Variants in ARL2BP observed in about 807,000 individuals in gnomAD.
ARL2BP encodes the protein ADP-ribosylation factor-like protein 2-binding protein.
A neutral mutation model predicts 24.2 loss-of-function variants in ARL2BP; 19 were observed. That is an observed-to-expected ratio of 0.79 (90% CI 0.55 to 1.15). The LOEUF is 1.15. Ranked by LOEUF, ARL2BP falls within the 50% of genes most tolerant of loss-of-function variation. The pLI is 0.00. For missense variants in ARL2BP, 160 were observed against 190.4 expected (o/e 0.84, Z 0.94); for synonymous variants, 56 against 70.5 (o/e 0.79, Z 1.03).
chr16:57,245,319 A>T lies in ARL2BP; in HGVS notation c.-49A>T. On this transcript the variant is annotated 5_prime_UTR_variant, in exon 1 of 6. It removes an upstream start codon present in the reference 5' UTR. Transcript: ENST00000219204. ...ACCCCGCCGGGCGGCCGCGCCCTGC[A>T]TGCGAGTTGGGCCGCGGGCGGGGTT... 1 of 1,588,394 alleles carries T rather than the reference A, an allele frequency of 6.3e-7. No homozygotes were observed. The highest frequency in any genetic ancestry group is 8.6e-7 in the Non-Finnish European group (1 of 1,168,652).
rs2075398051 is a variant in ARL2BP, at chr16:57,248,616, C to T, written c.180C>T (p.Leu60=). 2 of 1,589,580 alleles carry T rather than the reference C, an allele frequency of 1.3e-6. No individual in the cohort carries two copies. The highest frequency in any genetic ancestry group is 1.4e-5 in the African/African-American group (1 of 73,810). The change falls in exon 3 of 6, where the codon CTC becomes CTT. Residue 60 remains leucine (L), a synonymous_variant. Coordinates refer to ENST00000219204, the MANE Select transcript of ARL2BP (RefSeq NM_012106.4). ...LEFEDTEENK[L]IYTPIFNEYI... is the part of the protein sequence containing the mutation. ...TTGAAGACACAGAAGAGAATAAACTCATCTACACACCTATTTTTAATGAAT... is the reference window on the plus strand; with the variant it reads ...TTGAAGACACAGAAGAGAATAAACTTATCTACACACCTATTTTTAATGAAT...
At position 57,252,265 on chromosome 16, in the gene ARL2BP, T is replaced by C. The variant is rs2075410860; in HGVS notation, c.490T>C (p.Ter164GlnextTer22). 2 of 1,614,088 alleles carry C rather than the reference T, an allele frequency of 1.2e-6. No individual in the cohort carries two copies. The highest frequency in any genetic ancestry group is 2.2e-5 in the South Asian group (2 of 91,094). ...LPASQNNLRH[*>Q] The stretch of plus-strand genomic sequence containing the variant: ...AGCTTCCCAGAACAATCTGCGGCAC[T>C]AGGTCCTACCTCCAGCCAATGAATG... Residue 164 changes from the stop codon to glutamine, a stop_lost, in exon 6 of 6, where the codon TAG becomes CAG. Transcript: ENST00000219204.
At chr16:57,245,496 G>GGGGCC (rs536362342) in intron 1 of ARL2BP, 91 bp downstream of exon 1, 51,881 of 1,514,348 alleles carry the variant, frequency 0.034, 2,890 homozygotes, top group East Asian at 0.23. Context: ...GGTGTCCTTA[G>GGGGCC]GGGCCGGGCC....
chr16:57,251,577 A>G (rs1410586145), intron 5 of ARL2BP: 4 of 151,208 alleles, frequency 2.6e-5, no homozygotes, highest in Non-Finnish European at 4.4e-5. Context: ...GCAACATAGC[A>G]AGACCCCTAT....
chr16:57,248,930 G>A (rs755012738), intron 3 of ARL2BP: 12 of 167,778 alleles, frequency 7.2e-5, no homozygotes, highest in Non-Finnish European at 1.4e-4. Flanking sequence ...GGGAGGTTGA[G>A]GTGGAAGAAT....
chr16:57,245,306 G>T lies in ARL2BP; in HGVS notation c.-62G>T. The T allele has an allele frequency of 6.4e-7, 1 of 1,571,146 alleles. No individual in the cohort carries two copies. The highest frequency in any genetic ancestry group is 2.3e-5 in the East Asian group (1 of 43,484). ...CTGAGAGGCCTTAACCCCGCCGGGC[G>T]GCCGCGCCCTGCATGCGAGTTGGGC... On this transcript the variant is annotated 5_prime_UTR_variant, in exon 1 of 6. Transcript: ENST00000219204.
chr16:57,248,602 G>A lies in ARL2BP; in HGVS notation c.166G>A (p.Glu56Lys). ...DKYYLEFEDT[E>K]ENKLIYTPIF... The stretch of plus-strand genomic sequence containing the variant: ...GTACTACCTGGAGTTTGAAGACACA[G>A]AAGAGAATAAACTCATCTACACACC... The change falls in exon 3 of 6, where the codon GAA becomes AAA. Residue 56 changes from glutamate to lysine, a missense_variant. Physicochemically the swap from Glu to Lys is moderately conservative, Grantham distance 56. Coordinates refer to ENST00000219204, the MANE Select transcript of ARL2BP (RefSeq NM_012106.4). 6.2e-7 allele frequency: 1 copy of A among 1,602,982 alleles called. No homozygotes were observed. The highest frequency in any genetic ancestry group is 1.7e-5 in the Admixed American group (1 of 58,442).
At chr16:57,248,029 CAG>C (rs1328245944) in intron 2 of ARL2BP, among the ~76,000 whole-genome samples, 1 of 151,814 alleles carries the variant, frequency 6.6e-6, no homozygotes, top group Non-Finnish European at 1.5e-5. Flanking sequence ...AAAAAGAAAA[CAG>C]GGCTGGGTGC....
rs2075411753 is a variant in ARL2BP at position 57,252,534 on chromosome 16, A to C, written c.*267A>C. On this transcript the variant is annotated 3_prime_UTR_variant, in exon 6 of 6. Coordinates refer to ENST00000219204, the MANE Select transcript of ARL2BP (RefSeq NM_012106.4). ...GAGCTTCTGAGTCAGACGCCTCTGGAGCGAGCCCTATGTCAGGCACTCCAC... is the reference window on the plus strand; with the variant it reads ...GAGCTTCTGAGTCAGACGCCTCTGGCGCGAGCCCTATGTCAGGCACTCCAC... 5.9e-6 allele frequency: 3 copies of C among 510,086 alleles called. No homozygotes were observed. In the South Asian group the frequency reaches 6.3e-5, roughly 11 times the overall value. 31.6% of individuals were successfully genotyped at this position (510,086 alleles called of 1,614,324 possible).
Position 57,252,383 on chromosome 16 carries a change from T to C in ARL2BP, c.*116T>C. The C allele has an allele frequency of 6.4e-7, 1 of 1,569,188 alleles. No homozygotes were observed. The highest frequency in any genetic ancestry group is 8.6e-7 in the Non-Finnish European group (1 of 1,159,652). On this transcript the variant is annotated 3_prime_UTR_variant, in exon 6 of 6. Coordinates refer to ENST00000219204, the MANE Select transcript of ARL2BP (RefSeq NM_012106.4). ...TGACTCTGTTATGTAACTCTTCATTTATGTTAAGTATTAATAGGTCAAAAC... is the reference window on the plus strand; with the variant it reads ...TGACTCTGTTATGTAACTCTTCATTCATGTTAAGTATTAATAGGTCAAAAC...
chr16:57,252,087 C>T lies in ARL2BP; in HGVS notation c.391-79C>T, dbSNP rs1033280105. The T allele has an allele frequency of 1.8e-5, 23 of 1,304,088 alleles. No homozygotes were observed. In the African/African-American group the frequency reaches 2.6e-4, roughly 15 times the overall value. The allele number at this position is 1,304,088 out of a possible 1,614,324, so 80.8% of individuals were successfully genotyped here. A position where few individuals can be genotyped will look rare whatever the true frequency, so the allele number is the denominator to read the frequency against. On this transcript the variant is annotated intron_variant, in intron 5 of 5. Transcript: ENST00000219204. The stretch of plus-strand genomic sequence containing the variant: ...TGGAGGTCCACGTTCCCACCTTCAG[C>T]TCTGCCTTCCCCATGTCAGAGGCAA...
At position 57,252,238 on chromosome 16, in the gene ARL2BP, C is replaced by T; in HGVS notation, c.463C>T (p.Pro155Ser). 1.2e-6 allele frequency: 2 copies of T among 1,614,182 alleles called. No homozygotes were observed. Among genetic ancestry groups the T allele is most frequent in the Admixed American group, 3.3e-5 (2 of 60,014 alleles). Residue 155 changes from proline (P) to serine (S), a missense_variant, in exon 6 of 6, where the codon CCA (proline) becomes TCA (serine). Pro to Ser is a moderately conservative substitution (Grantham distance 74). Coordinates refer to ENST00000219204, the MANE Select transcript of ARL2BP (RefSeq NM_012106.4). The stretch of plus-strand genomic sequence containing the variant: ...TTCATTGTGCAAATCATCTTCTCTG[C>T]CAGCTTCCCAGAACAATCTGCGGCA... ...VTSLCKSSSL[P>S]ASQNNLRH
At chr16:57,248,497 T>A (rs553095861) in intron 2 of ARL2BP, 40 bp from the exon 3 acceptor site, 1 of 1,228,022 alleles carries the variant, frequency 8.1e-7, no homozygotes, top group South Asian at 1.3e-5. Flanking sequence ...TGGTTGGTAA[T>A]CTCCATTAAA....
intron 5 of ARL2BP, 23 bp from the exon 6 acceptor site, chr16:57,252,143 C>T: frequency 2.5e-6 from 4 of 1,610,734 alleles, no homozygotes; most frequent in Non-Finnish European, 3.4e-6. Flanking sequence ...TCTAGTCCTT[C>T]CTTTGGTTGT....
At chr16:57,248,770 T>G in intron 3 of ARL2BP, 127 bp downstream of exon 3, 1 of 493,168 alleles carries the variant, frequency 2.0e-6, no homozygotes, top group East Asian at 3.5e-5. Flanking sequence ...GAATCCTCAT[T>G]AGCATCTGGT....
chr16:57,250,149 G>A, intron 4 of ARL2BP: 2 of 595,512 alleles, frequency 3.4e-6, no homozygotes, highest in South Asian at 2.1e-5. Flanking sequence ...AATTAGTCAG[G>A]TGTGGTGTTG....
At chr16:57,247,592 A>T (rs1024486553) in intron 2 of ARL2BP, 1 of 152,212 alleles carries the variant, frequency 6.6e-6, no homozygotes, top group South Asian at 2.1e-4. Context: ...ATTTACATGA[A>T]TTCTCATCTA....
intron 5 of ARL2BP, 86 bp from the exon 6 acceptor site, chr16:57,252,080 C>T (rs2075410002): frequency 2.2e-5 from 26 of 1,200,388 alleles, no homozygotes; most frequent in Non-Finnish European, 2.7e-5. Context: ...CACGTTCCCA[C>T]CTTCAGCTCT....
chr16:57,246,195 GAA>G, intron 2 of ARL2BP, 54 bp downstream of exon 2: 2 of 1,525,826 alleles, frequency 1.3e-6, no homozygotes, highest in Non-Finnish European at 1.8e-6. Flanking sequence ...TAAGGACATT[GAA>G]ATCAATTTGG....
Sources: allele counts gnomAD v4.1 joint callset (sites outside exome capture counted in the v4.1 genomes callset), GRCh38; gene constraint gnomAD v4.1.1; transcripts MANE v1.5; gene names NCBI Gene and HGNC (gene_info 2026-07-23, HGNC 2026-07-21).